SPAG6: variants seen among roughly 807,000 people sequenced by gnomAD.
The protein encoded by SPAG6 is sperm-associated antigen 6.
Under a neutral mutation model 58.5 loss-of-function variants are expected in SPAG6, and 49 were observed. The observed-to-expected ratio is 0.84, with a 90% CI of 0.67 to 1.06. The LOEUF (loss-of-function observed/expected upper bound fraction) is 1.06. Among genes scored for constraint, SPAG6 ranks in the 50% least tolerant of loss-of-function variants. The pLI, the probability that SPAG6 is intolerant of heterozygous loss-of-function variation, is 0.00. For synonymous variants in SPAG6, 233 were observed against 225.6 expected, an observed-to-expected ratio of 1.03 and a Z score of -0.29; for missense variants, 560 against 611.3, an observed-to-expected ratio of 0.92 and a Z score of 0.89.
At chr10:22,352,969 T>C (rs1269857689) in intron 2 of SPAG6, among the ~76,000 whole-genome samples, 1 of 152,244 alleles carries the variant, frequency 6.6e-6, no homozygotes. Context: ...CAGAACTCAG[T>C]TGCAGCAGCT....
At chr10:22,352,828 A>G (rs960203967) in intron 2 of SPAG6, among the ~76,000 whole-genome samples, 2 of 152,226 alleles carry the variant, frequency 1.3e-5, no homozygotes, top group Non-Finnish European at 2.9e-5. Context: ...TTATTATTAC[A>G]TGGTATAGGT....
chr10:22,367,132 A>G lies in SPAG6; in HGVS notation c.289-1363A>G, dbSNP rs78311069. 4.1e-4 allele frequency among the ~76,000 whole-genome samples: 63 copies of G among 152,194 alleles called. No individual in the cohort carries two copies. The East Asian group carries it at 4.4e-3, about 11-fold the overall frequency. ...GAAAGTGTTAGTTATAGGCACTGGA[A>G]TTAATAGTGACTATTGATACCCATA... On this transcript the variant is annotated intron_variant, in intron 3 of 10. Transcript: ENST00000376624.
At chr10:22,413,883 T>C (rs1349626389) in intron 10 of SPAG6, among the ~76,000 whole-genome samples, 1 of 152,192 alleles carries the variant, frequency 6.6e-6, no homozygotes, top group Non-Finnish European at 1.5e-5. Flanking sequence ...CACTTGGTGA[T>C]AACTATTTTA....
At chr10:22,369,503 G>T (rs938234664) in intron 4 of SPAG6, among the ~76,000 whole-genome samples, 4 of 152,152 alleles carry the variant, frequency 2.6e-5, no homozygotes, top group African/African-American at 9.7e-5. Context: ...TATTTGAGTG[G>T]GGGGTGGTGG....
At chr10:22,411,287 G>A (rs1355146624) in intron 10 of SPAG6, 111 bp downstream of exon 10, 1 of 814,590 alleles carries the variant, frequency 1.2e-6, no homozygotes, top group Admixed American at 2.9e-5. Flanking sequence ...TACGATGTGA[G>A]GCCAATATGT....
intron 8 of SPAG6, among the ~76,000 whole-genome samples, chr10:22,392,673 A>T (rs181975249): frequency 3.7e-4 from 56 of 152,296 alleles, no homozygotes; most frequent in Admixed American, 6.5e-4. Flanking sequence ...ATTTAACAGT[A>T]AATTAAATTA....
chr10:22,383,217 G>A (rs1397714070), intron 4 of SPAG6, among the ~76,000 whole-genome samples: 3 of 152,142 alleles, frequency 2.0e-5, no homozygotes, highest in African/African-American at 7.2e-5. Flanking sequence ...GTGATAATTG[G>A]ACATCTAAAA....
chr10:22,397,890 T>G (rs915717703), intron 8 of SPAG6, among the ~76,000 whole-genome samples: 1 of 151,948 alleles, frequency 6.6e-6, no homozygotes. Flanking sequence ...GGCTTTTTTT[T>G]CCCCCAGAAA....
intron 4 of SPAG6, among the ~76,000 whole-genome samples, chr10:22,377,849 T>C (rs1833853321): frequency 6.6e-6 from 1 of 152,204 alleles, no homozygotes. Context: ...CTCCATCAGA[T>C]TGTGCTCCTT....
chr10:22,377,909 C>T (rs575254424), intron 4 of SPAG6, among the ~76,000 whole-genome samples: 1 of 152,050 alleles, frequency 6.6e-6, no homozygotes, highest in East Asian at 1.9e-4. Flanking sequence ...GGAGTGAATA[C>T]CTTTGAAGTT....
intron 4 of SPAG6, among the ~76,000 whole-genome samples, chr10:22,372,941 G>T (rs887884251): frequency 6.6e-6 from 1 of 152,118 alleles, no homozygotes; most frequent in Non-Finnish European, 1.5e-5. Flanking sequence ...AGCAATTTAC[G>T]GTGGAACTGC....
At chr10:22,395,307 C>A (rs541346043) in intron 8 of SPAG6, among the ~76,000 whole-genome samples, 16 of 152,140 alleles carry the variant, frequency 1.1e-4, no homozygotes, top group African/African-American at 3.6e-4. Context: ...TGTTTAACAT[C>A]TCGAGAAACT....
intron 4 of SPAG6, among the ~76,000 whole-genome samples, chr10:22,374,037 ATGT>A (rs950054748): frequency 7.2e-5 from 11 of 152,292 alleles, no homozygotes; most frequent in Non-Finnish European, 1.5e-4. Context: ...CTGGTAAAAA[ATGT>A]TGTGATTCTT....
At chr10:22,348,002 C>CTTTCTTTCTTTT (rs149307597) in intron 2 of SPAG6, among the ~76,000 whole-genome samples, 3 of 151,756 alleles carry the variant, frequency 2.0e-5, no homozygotes, top group African/African-American at 7.3e-5. Context: ...ACTTTTCTTT[C>CTTTCTTTCTTTT]TTTCTTTGAG....
At chr10:22,386,647 G>C in intron 4 of SPAG6, 107 bp from the exon 5 acceptor site, 1 of 807,918 alleles carries the variant, frequency 1.2e-6, no homozygotes, top group Non-Finnish European at 2.1e-6. Flanking sequence ...TTGAGAGAGT[G>C]AAGTACACCC....
intron 8 of SPAG6, among the ~76,000 whole-genome samples, chr10:22,393,862 A>G (rs1024801593): frequency 1.5e-4 from 23 of 152,198 alleles, no homozygotes; most frequent in Admixed American, 1.3e-3. Flanking sequence ...TGTATCCAAG[A>G]GTGTCAAGAA....
At chr10:22,352,048 T>C (rs1836741206) in intron 2 of SPAG6, among the ~76,000 whole-genome samples, 2 of 151,998 alleles carry the variant, frequency 1.3e-5, no homozygotes, top group South Asian at 4.1e-4. Flanking sequence ...CAGTCCCAGC[T>C]ACTCGGAGAG....
At chr10:22,402,324 G>A (rs1381894630) in intron 9 of SPAG6, among the ~76,000 whole-genome samples, 1 of 152,056 alleles carries the variant, frequency 6.6e-6, no homozygotes, top group Non-Finnish European at 1.5e-5. Context: ...CATTTGAATA[G>A]TCAGTTATAA....
In SPAG6 at chr10:22,411,021, A is replaced by G. The variant is rs1338567481; in HGVS notation, c.1315-10A>G. 1 of 1,606,306 alleles carries G rather than the reference A, an allele frequency of 6.2e-7. No individual in the cohort carries two copies. The highest frequency in any genetic ancestry group is 1.1e-5 in the South Asian group (1 of 89,206). On this transcript the variant is annotated splice_polypyrimidine_tract_variant and intron_variant, in intron 9 of 10. Transcript: ENST00000376624. ...GAAAAGCTGACATTTTATGTGCTTC[A>G]CTTTGCAAGGTGCTGCCGCATGATA...
Sources: gnomAD v4.1 joint callset for allele counts (sites outside exome capture counted in the v4.1 genomes callset) on GRCh38, gnomAD v4.1.1 for gene constraint, MANE v1.5 for transcripts, NCBI Gene and HGNC (gene_info 2026-07-23, HGNC 2026-07-21) for gene names.